Variants in PROCR observed in about 807,000 individuals in gnomAD.
The protein encoded by PROCR is endothelial protein C receptor.
PROCR carries 22 observed loss-of-function variants against 24.2 expected under a neutral mutation model. The ratio of observed to expected loss-of-function variants is 0.91; its 90% CI spans 0.65 to 1.30. The LOEUF (loss-of-function observed/expected upper bound fraction) is 1.30, where lower values mean the gene tolerates loss of function less well. Ranked by LOEUF, PROCR falls within the 50% of genes most tolerant of loss-of-function variation. The pLI is 0.00. For synonymous variants in PROCR, 137 were observed against 139.2 expected (o/e 0.98, Z 0.11); for missense variants, 288 against 307.7 (o/e 0.94, Z 0.48).
downstream of PROCR, among the ~76,000 whole-genome samples, chr20:35,180,889 CAG>C (rs1226479074): frequency 6.6e-6 from 1 of 151,952 alleles, no homozygotes; most frequent in Admixed American, 6.6e-5. Context: ...TGTTTTGAGA[CAG>C]AGTCTCTCTC....
At chr20:35,172,596 A>T (rs2085961857) in intron 1 of PROCR, among the ~76,000 whole-genome samples, 3 of 151,852 alleles carry the variant, frequency 2.0e-5, no homozygotes, top group Admixed American at 2.0e-4. Context: ...AAGAGAAGAG[A>T]AATGGAGGGA....
chr20:35,193,970 G>C (rs2086194983), intron 1 of PROCR, among the ~76,000 whole-genome samples: 1 of 152,208 alleles, frequency 6.6e-6, no homozygotes, highest in South Asian at 2.1e-4. Flanking sequence ...AACCAGTAAA[G>C]AAAACTGAGT....
At chr20:35,197,430 C>A (rs753642339) in intron 1 of PROCR, among the ~76,000 whole-genome samples, 1 of 152,136 alleles carries the variant, frequency 6.6e-6, no homozygotes. Flanking sequence ...TGTTCCCTCA[C>A]CTTTCTCCCT....
At chr20:35,193,321 G>A (rs545940408) in intron 1 of PROCR, among the ~76,000 whole-genome samples, 6 of 152,158 alleles carry the variant, frequency 3.9e-5, no homozygotes, top group African/African-American at 7.2e-5. Context: ...GCCTACAGGC[G>A]CATGCCACCA....
intron 1 of PROCR, among the ~76,000 whole-genome samples, chr20:35,189,295 GA>G (rs201062731): frequency 0.21 from 31,296 of 150,502 alleles, 3,703 homozygotes; most frequent in Non-Finnish European, 0.27. Context: ...GGCCACTCTG[GA>G]GGGGTGTCTG....
intron 1 of PROCR, among the ~76,000 whole-genome samples, chr20:35,209,068 G>A (rs1351589885): frequency 6.6e-6 from 1 of 152,108 alleles, no homozygotes; most frequent in Non-Finnish European, 1.5e-5. Context: ...GTGTAGAGGG[G>A]GAGACAGAAT....
Position 35,185,933 on chromosome 20 carries a change from C to G in PROCR, c.94+9487C>G, listed in dbSNP as rs2086121975. On this transcript the variant is annotated intron_variant, in intron 1 of 1. Transcript: ENST00000634509. Reference sequence around the variant, plus strand: ...AAAGACAGACAATAACAAGTGTTGGCAAGAATGTGAAGAAATTGGAACCCT... The same window carrying G: ...AAAGACAGACAATAACAAGTGTTGGGAAGAATGTGAAGAAATTGGAACCCT... 3.9e-5 allele frequency among the ~76,000 whole-genome samples: 6 copies of G among 152,202 alleles called. No homozygotes were observed. In the South Asian group the frequency reaches 1.2e-3, roughly 32 times the overall value.
intron 2 of PROCR, among the ~76,000 whole-genome samples, chr20:35,175,309 C>A (rs926030733): frequency 6.6e-6 from 1 of 151,158 alleles, no homozygotes; most frequent in Non-Finnish European, 1.5e-5. Context: ...CTTCCCTTCC[C>A]ACAGCCCCCA....
downstream of PROCR, among the ~76,000 whole-genome samples, chr20:35,181,878 C>A (rs189379346): frequency 2.0e-3 from 300 of 152,294 alleles, 2 homozygotes; most frequent in Non-Finnish European, 4.3e-4. Flanking sequence ...GCCAGATAAT[C>A]AAGCTCAGAA....
chr20:35,178,788 T>C (rs1373449959), downstream of PROCR, among the ~76,000 whole-genome samples: 2 of 147,090 alleles, frequency 1.4e-5, no homozygotes, highest in African/African-American at 5.0e-5. Flanking sequence ...GTGCTGGGAT[T>C]ACAGGCGTGA....
chr20:35,205,058 A>C (rs141728364), intron 1 of PROCR, among the ~76,000 whole-genome samples: 232 of 152,142 alleles, frequency 1.5e-3, no homozygotes, highest in Admixed American at 4.3e-3. Context: ...AGATCACCTG[A>C]GGTCAAGAGT....
chr20:35,196,597 C>T (rs1467626105), intron 1 of PROCR, among the ~76,000 whole-genome samples: 1 of 152,076 alleles, frequency 6.6e-6, no homozygotes, highest in South Asian at 2.1e-4. Flanking sequence ...AAGAAAAGAA[C>T]TGTCAACTTG....
chr20:35,199,799 T>C (rs1600749956), intron 1 of PROCR, among the ~76,000 whole-genome samples: 1 of 152,014 alleles, frequency 6.6e-6, no homozygotes, highest in Middle Eastern at 3.4e-3. Flanking sequence ...GATAGTGATT[T>C]CTCTGGATGA....
intron 1 of PROCR, among the ~76,000 whole-genome samples, chr20:35,182,973 C>CAAAAA (rs71333786): frequency 9.0e-6 from 1 of 110,770 alleles, no homozygotes; most frequent in Non-Finnish European, 1.9e-5. Flanking sequence ...GACTCCGTCT[C>CAAAAA]AAAAAAAAAA....
chr20:35,174,146 G>A (rs2069955), intron 1 of PROCR, among the ~76,000 whole-genome samples: 4 of 152,134 alleles, frequency 2.6e-5, no homozygotes, highest in Non-Finnish European at 5.9e-5. Context: ...GCACTGAATC[G>A]ACATTGGCTA....
At chr20:35,175,675 C>G (rs2086007619) in intron 2 of PROCR, among the ~76,000 whole-genome samples, 1 of 148,628 alleles carries the variant, frequency 6.7e-6, no homozygotes, top group South Asian at 2.2e-4. Flanking sequence ...ACTTCCGCCT[C>G]CCGGGTTCAA....
At chr20:35,175,694 C>G (rs1660302190) in intron 2 of PROCR, among the ~76,000 whole-genome samples, 1 of 146,504 alleles carries the variant, frequency 6.8e-6, no homozygotes, top group Non-Finnish European at 1.5e-5. Flanking sequence ...AAGCGATTCT[C>G]CTGCCTCAGC....
At position 35,175,072 on chromosome 20, in the gene PROCR, A is replaced by G. The variant is rs1384547476; in HGVS notation, c.322+119A>G. 1.8e-5 allele frequency: 21 copies of G among 1,198,844 alleles called. No individual in the cohort carries two copies. In the Admixed American group the frequency reaches 6.3e-4, roughly 36 times the overall value. The allele number at this position is 1,198,844 out of a possible 1,614,324, so 74.3% of individuals were successfully genotyped here. ...TGGGACTTGCAGGGACCCGGCAGCC[A>G]CTGGAGCTCGGTGGCGCCTGGGCCT... is the stretch of plus-strand genomic sequence containing the variant. On this transcript the variant is annotated intron_variant, in intron 2 of 3. Transcript: ENST00000216968.
At chr20:35,208,547 C>T (rs1399780837) in intron 1 of PROCR, among the ~76,000 whole-genome samples, 1 of 152,168 alleles carries the variant, frequency 6.6e-6, no homozygotes, top group African/African-American at 2.4e-5. Context: ...ACTGGACTCT[C>T]TCAGTATCCG....
Sources: gnomAD v4.1 joint callset for allele counts (sites outside exome capture counted in the v4.1 genomes callset) on GRCh38, gnomAD v4.1.1 for gene constraint, MANE v1.5 for transcripts, NCBI Gene and HGNC (gene_info 2026-07-23, HGNC 2026-07-21) for gene names.